The following SDCBP variants were observed in gnomAD, a reference collection of about 807,000 sequenced individuals.
The protein encoded by SDCBP is syntenin-1.
Under a neutral mutation model 30.5 loss-of-function variants are expected in SDCBP, and 22 were observed. The ratio of observed to expected loss-of-function variants is 0.72; its 90% CI spans 0.52 to 1.03. The LOEUF is 1.03. Ranked by LOEUF, SDCBP falls within the 50% of genes least tolerant of loss-of-function variation. The pLI is 0.00. For missense variants in SDCBP, 304 were observed against 369.9 expected (o/e 0.82, Z 1.46); for synonymous variants, 103 against 118.7 (o/e 0.87, Z 0.86).
At chr8:58,571,085 A>G in intron 3 of SDCBP, 120 bp downstream of exon 3, 1 of 616,500 alleles carries the variant, frequency 1.6e-6, no homozygotes, top group African/African-American at 1.8e-5. Context: ...GTTAAGCTCA[A>G]ATAGTTATGA....
intron 2 of SDCBP, among the ~76,000 whole-genome samples, chr8:58,568,487 G>A (rs1174296516): frequency 1.3e-5 from 2 of 152,080 alleles, no homozygotes; most frequent in African/African-American, 4.8e-5. Flanking sequence ...GTAAGTAGAA[G>A]GATATACTCT....
At chr8:58,579,826 G>A in intron 7 of SDCBP, 32 bp downstream of exon 7, 1 of 1,539,812 alleles carries the variant, frequency 6.5e-7, no homozygotes, top group Non-Finnish European at 8.7e-7. Context: ...ATGTTCTGCT[G>A]CAGTTTTAGA....
chr8:58,576,416 C>CTTT (rs113665258), intron 5 of SDCBP: 2 of 141,324 alleles, frequency 1.4e-5, no homozygotes, highest in Admixed American at 7.0e-5. Context: ...GTCAGTGTGC[C>CTTT]TTTTTTTTTT....
chr8:58,575,988 A>G lies in SDCBP; in HGVS notation c.329A>G (p.Gln110Arg), dbSNP rs371437317. ...DVGIRRAEIK[Q>R]GIREVILCKD... ...GGAATTCGTAGAGCAGAAATTAAGC[A>G]AGGGATTCGTGAAGTCATTTTGTGT... The change falls in exon 5 of 9, where the codon CAA (glutamine) becomes CGA (arginine). Residue 110 changes from glutamine (Q) to arginine (R), a missense_variant. By Grantham distance (43) the Gln-to-Arg change is conservative. Coordinates refer to ENST00000260130, the MANE Select transcript of SDCBP (RefSeq NM_005625.4). The G allele has an allele frequency of 1.2e-6, 2 of 1,613,742 alleles. No individual in the cohort carries two copies. The highest frequency in any genetic ancestry group is 8.5e-7 in the Non-Finnish European group (1 of 1,179,720).
chr8:58,578,234 T>C (rs1044009082), intron 6 of SDCBP, 26 bp downstream of exon 6: 5 of 1,460,442 alleles, frequency 3.4e-6, no homozygotes, highest in Non-Finnish European at 4.5e-6. Context: ...ACAGCTCAAA[T>C]GAAAATTCAA....
intron 4 of SDCBP, among the ~76,000 whole-genome samples, chr8:58,573,492 T>G (rs949871168): frequency 6.6e-6 from 1 of 151,626 alleles, no homozygotes. Flanking sequence ...AGGAGAGAGA[T>G]TGGAGTTAGC....
intron 1 of SDCBP, among the ~76,000 whole-genome samples, chr8:58,556,302 C>T (rs895460159): frequency 6.6e-6 from 1 of 152,158 alleles, no homozygotes; most frequent in African/African-American, 2.4e-5. Flanking sequence ...AGGGTTCCTG[C>T]TCCTGTGAGA....
At chr8:58,571,476 C>T (rs1019376323) in intron 3 of SDCBP, among the ~76,000 whole-genome samples, 1 of 152,102 alleles carries the variant, frequency 6.6e-6, no homozygotes, top group African/African-American at 2.4e-5. Context: ...GACAGAGCTC[C>T]TAAATACTAT....
chr8:58,578,091 T>C lies in SDCBP; in HGVS notation c.461T>C (p.Phe154Ser). ...CCAGCCTCATTGGTTGGTCTGAGAT[T>C]TGGGGACCAAGTACTTCAGATCAAT... The part of the protein sequence containing the change: ...NSPASLVGLR[F>S]GDQVLQINGE... Residue 154 changes from phenylalanine (F) to serine (S), a missense_variant, in exon 6 of 9, where the codon TTT (phenylalanine) becomes TCT (serine). By Grantham distance (155) the Phe-to-Ser change is radical. Coordinates refer to ENST00000260130, the MANE Select transcript of SDCBP (RefSeq NM_005625.4). 6.2e-7 allele frequency: 1 copy of C among 1,613,918 alleles called. No individual in the cohort carries two copies. Among genetic ancestry groups the C allele is most frequent in the South Asian group, 1.1e-5 (1 of 91,082 alleles).
At chr8:58,572,084 A>T in intron 3 of SDCBP, 121 bp from the exon 4 acceptor site, 1 of 619,712 alleles carries the variant, frequency 1.6e-6, no homozygotes, top group Non-Finnish European at 2.9e-6. Context: ...TGCTACTTTA[A>T]ATTCATTCTA....
rs898914799 is a variant in SDCBP at position 58,564,576 on chromosome 8, A to G, written c.-15-443A>G. 1.6e-4 allele frequency among the ~76,000 whole-genome samples: 24 copies of G among 152,224 alleles called. 1 individual carries two copies. Among genetic ancestry groups the G allele is most frequent in the Non-Finnish European group, 1.5e-5 (1 of 68,028 alleles). On this transcript the variant is annotated intron_variant, in intron 1 of 8. Transcript: ENST00000260130. ...TTTTCTTAGTAATAGAGGTTCATGTATTGATACTGCATATGATCTGCTTTT... is the reference window on the plus strand; with the variant it reads ...TTTTCTTAGTAATAGAGGTTCATGTGTTGATACTGCATATGATCTGCTTTT...
intron 7 of SDCBP, among the ~76,000 whole-genome samples, chr8:58,580,184 G>A (rs1045891960): frequency 9.2e-5 from 14 of 152,046 alleles, no homozygotes; most frequent in African/African-American, 3.4e-4. Flanking sequence ...TCTGTCTTAA[G>A]GTCAAAAAGT....
intron 1 of SDCBP, among the ~76,000 whole-genome samples, chr8:58,560,124 C>T (rs563372454): frequency 1.3e-4 from 20 of 152,160 alleles, no homozygotes; most frequent in African/African-American, 4.6e-4. Flanking sequence ...CCCCCTCCCT[C>T]AGCATGAAAC....
intron 1 of SDCBP, chr8:58,561,559 A>G (rs1804444257): frequency 2.4e-6 from 1 of 419,764 alleles, no homozygotes; most frequent in Non-Finnish European, 4.3e-6. Flanking sequence ...GTGGGATGAT[A>G]TAGTCAAACT....
chr8:58,575,247 G>GTT (rs1398776216), intron 4 of SDCBP, among the ~76,000 whole-genome samples: 2,092 of 152,120 alleles, frequency 0.014, 56 homozygotes, highest in African/African-American at 0.049. Flanking sequence ...TTTTTGGTTG[G>GTT]GGAAAGGTTC....
At chr8:58,565,807 C>T (rs1209180051) in intron 2 of SDCBP, among the ~76,000 whole-genome samples, 2 of 151,978 alleles carry the variant, frequency 1.3e-5, no homozygotes, top group Non-Finnish European at 2.9e-5. Context: ...AATTTGTTTA[C>T]GGTTAGCTTT....
intron 2 of SDCBP, among the ~76,000 whole-genome samples, chr8:58,567,558 G>C (rs925581957): frequency 4.6e-5 from 7 of 152,156 alleles, no homozygotes; most frequent in African/African-American, 1.7e-4. Flanking sequence ...TTCACTGTTG[G>C]TGTTATATGT....
rs1805720606 is a variant in SDCBP, at chr8:58,582,109, T to C, written c.*369T>C. Reference sequence around the variant, plus strand: ...TAGGTAATGAGTAGTGCTGTTCATATTACTTTAGTTCTATAGCATACTTGC... The same window carrying C: ...TAGGTAATGAGTAGTGCTGTTCATACTACTTTAGTTCTATAGCATACTTGC... On this transcript the variant is annotated 3_prime_UTR_variant, in exon 9 of 9. Transcript: ENST00000260130. 1 of 192,332 alleles carries C rather than the reference T, an allele frequency of 5.2e-6. No homozygotes were observed. The highest frequency in any genetic ancestry group is 2.4e-5 in the African/African-American group (1 of 42,512). The allele number at this position is 192,332 out of a possible 1,614,324, so 11.9% of individuals were successfully genotyped here.
intron 7 of SDCBP, 76 bp downstream of exon 7, chr8:58,579,870 C>T: frequency 7.2e-7 from 1 of 1,380,420 alleles, no homozygotes; most frequent in Non-Finnish European, 9.7e-7. Flanking sequence ...TTAGGTGGCG[C>T]TGTTTTCATA....
Sources: gnomAD v4.1 joint callset for allele counts (sites outside exome capture counted in the v4.1 genomes callset) on GRCh38, gnomAD v4.1.1 for gene constraint, MANE v1.5 for transcripts, NCBI Gene and HGNC (gene_info 2026-07-23, HGNC 2026-07-21) for gene names.